The following CCNB1 variants were observed in gnomAD, a reference collection of about 807,000 sequenced individuals.
The protein encoded by CCNB1 is G2/mitotic-specific cyclin-B1.
CCNB1 carries 26 observed loss-of-function variants against 44.4 expected under a neutral mutation model. The ratio of observed to expected loss-of-function variants is 0.59; its 90% CI spans 0.43 to 0.81. CCNB1 has a LOEUF of 0.81. Among genes scored for constraint, CCNB1 ranks in the 40% least tolerant of loss-of-function variants. The pLI, the probability that CCNB1 is intolerant of heterozygous loss-of-function variation, is 0.00. For missense variants in CCNB1, 477 were observed against 520.9 expected (o/e 0.92, Z 0.82); for synonymous variants, 195 against 181.4 (o/e 1.08, Z -0.60).
intron 7 of CCNB1, among the ~76,000 whole-genome samples, chr5:69,176,431 A>G (rs1747592030): frequency 6.6e-6 from 1 of 151,592 alleles, no homozygotes; most frequent in Non-Finnish European, 1.5e-5. Context: ...ATCTCGGCTC[A>G]CTGCAACCTC....
Position 69,177,805 on chromosome 5 carries a change from C to G in CCNB1, c.*174C>G. Reference sequence around the variant, plus strand: ...TACTGTAGGGTAGCGGAAAAGTTGTCTTAAAAGGTATGGTGGGGATATTTT... The same window carrying G: ...TACTGTAGGGTAGCGGAAAAGTTGTGTTAAAAGGTATGGTGGGGATATTTT... On this transcript the variant is annotated 3_prime_UTR_variant, in exon 9 of 9. Coordinates refer to ENST00000256442, the MANE Select transcript of CCNB1 (RefSeq NM_031966.4). 1.9e-6 allele frequency: 1 copy of G among 535,366 alleles called. No homozygotes were observed. The highest frequency in any genetic ancestry group is 3.3e-6 in the Non-Finnish European group (1 of 300,514). 33.2% of individuals were successfully genotyped at this position (535,366 alleles called of 1,614,324 possible).
In CCNB1 at chr5:69,177,321, T is replaced by C. The variant is rs1747617860; in HGVS notation, c.1166T>C (p.Met389Thr). The C allele has an allele frequency of 1.9e-6, 3 of 1,611,504 alleles. No homozygotes were observed. The highest frequency in any genetic ancestry group is 1.7e-5 in the Admixed American group (1 of 59,994). ...VMQHLAKNVV[M>T]VNQGLTKHMT... The stretch of plus-strand genomic sequence containing the variant: ...CAGCACCTGGCTAAGAATGTAGTCA[T>C]GGTAAATCAAGGACTTACAAAGCAC... The change falls in exon 8 of 9, where the codon ATG becomes ACG. Residue 389 changes from methionine to threonine, a missense_variant. Met to Thr is a moderately conservative substitution (Grantham distance 81). Transcript: ENST00000256442.
At position 69,175,445 on chromosome 5, in the gene CCNB1, A is replaced by G. The variant is rs767165692; in HGVS notation, c.991A>G (p.Met331Val). Reference protein sequence around the residue: ...TLAKYLMELTMLDYDMVHFPP... With the variant: ...TLAKYLMELTVLDYDMVHFPP... The stretch of plus-strand genomic sequence containing the variant: ...GGCCAAATACCTGATGGAACTAACT[A>G]TGTTGGACTATGACATGGTGCACTT... Residue 331 changes from methionine (M) to valine (V), a missense_variant, in exon 7 of 9, where the codon ATG (methionine) becomes GTG (valine). Physicochemically the swap from Met to Val is conservative, Grantham distance 21 (BLOSUM62 1). Coordinates refer to ENST00000256442, the MANE Select transcript of CCNB1 (RefSeq NM_031966.4). 3 of 1,614,036 alleles carry G rather than the reference A, an allele frequency of 1.9e-6. No homozygotes were observed. The highest frequency in any genetic ancestry group is 1.1e-5 in the South Asian group (1 of 91,088).
Position 69,168,289 on chromosome 5 carries a change from T to A in CCNB1, c.309T>A (p.Pro103=). 26 of 1,613,240 alleles carry A rather than the reference T, an allele frequency of 1.6e-5. No homozygotes were observed. Among genetic ancestry groups the A allele is most frequent in the Non-Finnish European group, 2.2e-5 (26 of 1,179,636 alleles). The change falls in exon 3 of 9, where the codon CCT becomes CCA. Residue 103 remains proline (P), a synonymous_variant. Transcript: ENST00000256442. ...CTGAGCCAGTGCCAGAGCCAGAACCTGAGCCAGAACCTGAGCCTGTTAAAG... is the reference window on the plus strand; with the variant it reads ...CTGAGCCAGTGCCAGAGCCAGAACCAGAGCCAGAACCTGAGCCTGTTAAAG... ...PVSEPVPEPE[P]EPEPEPVKEE...
chr5:69,173,748 T>C (rs1204284523), intron 4 of CCNB1, among the ~76,000 whole-genome samples: 2 of 152,156 alleles, frequency 1.3e-5, no homozygotes, highest in Non-Finnish European at 2.9e-5. Context: ...CATACTGTCC[T>C]ATCTAATGTT....
intron 4 of CCNB1, among the ~76,000 whole-genome samples, chr5:69,171,720 T>A (rs1227161910): frequency 6.6e-6 from 1 of 152,148 alleles, no homozygotes; most frequent in Non-Finnish European, 1.5e-5. Flanking sequence ...ATTTGATATG[T>A]ATATATGCGA....
intron 7 of CCNB1, among the ~76,000 whole-genome samples, chr5:69,176,648 G>A (rs1747600925): frequency 6.6e-6 from 1 of 151,484 alleles, no homozygotes; most frequent in African/African-American, 2.4e-5. Context: ...GGGATTACAG[G>A]CGTGAGCCAT....
intron 3 of CCNB1, 43 bp downstream of exon 3, chr5:69,168,386 T>A (rs1747387762): frequency 6.2e-7 from 1 of 1,608,580 alleles, no homozygotes. Flanking sequence ...GATTATTTCT[T>A]GTCCCTTATT....
At chr5:69,175,982 AATATATATATATATATATATAT>A (rs68140968) in intron 7 of CCNB1, among the ~76,000 whole-genome samples, 4 of 116,408 alleles carry the variant, frequency 3.4e-5, no homozygotes, top group East Asian at 3.1e-4. Flanking sequence ...AAATATATAA[AATATATATATATATATATATAT>A]ATATATATAT....
intron 2 of CCNB1, 44 bp from the exon 3 acceptor site, chr5:69,168,129 G>A: frequency 6.2e-7 from 1 of 1,611,044 alleles, no homozygotes; most frequent in Non-Finnish European, 8.5e-7. Flanking sequence ...TCCAACTGTG[G>A]CCTTTGATGC....
At chr5:69,173,970 T>C (rs1280635962) in intron 4 of CCNB1, among the ~76,000 whole-genome samples, 1 of 152,228 alleles carries the variant, frequency 6.6e-6, no homozygotes, top group Non-Finnish European at 1.5e-5. Context: ...GGTTTTGCCA[T>C]GTTGGCCAGG....
At position 69,177,960 on chromosome 5, in the gene CCNB1, T is replaced by A. The variant is rs1747634641; in HGVS notation, c.*329T>A. 5.2e-6 allele frequency: 1 copy of A among 191,696 alleles called. No homozygotes were observed. The highest frequency in any genetic ancestry group is 1.1e-5 in the Non-Finnish European group (1 of 92,344). The allele number at this position is 191,696 out of a possible 1,614,324, so 11.9% of individuals were successfully genotyped here. On this transcript the variant is annotated 3_prime_UTR_variant, in exon 9 of 9. Transcript: ENST00000256442. ...GAAGGTGATGGAGGTATTTGAAAAT[T>A]TTACTTCCATAGGACATACTGCATG...
At chr5:69,167,488 GA>G in intron 1 of CCNB1, 1 of 584,688 alleles carries the variant, frequency 1.7e-6, no homozygotes, top group Non-Finnish European at 3.1e-6. Flanking sequence ...GGAGGAAGGT[GA>G]GAAAGAGAAC....
chr5:69,168,128 G>A, intron 2 of CCNB1, 45 bp from the exon 3 acceptor site: 2 of 1,610,828 alleles, frequency 1.2e-6, no homozygotes, highest in Non-Finnish European at 1.7e-6. Context: ...TTCCAACTGT[G>A]GCCTTTGATG....
At position 69,167,218 on chromosome 5, in the gene CCNB1, G is replaced by T. The variant is rs1251459374; in HGVS notation, c.-45G>T. ...GTCCTTGGCTGGTCGGGCCTCCGGT[G>T]TTCTGCTTCTCCCCGCTGAGCTGCT... On this transcript the variant is annotated 5_prime_UTR_variant, in exon 1 of 9. Transcript: ENST00000256442. 16 of 1,529,686 alleles carry T rather than the reference G, an allele frequency of 1.0e-5. No homozygotes were observed. Among genetic ancestry groups the T allele is most frequent in the Non-Finnish European group, 1.4e-5 (16 of 1,136,726 alleles). The allele number at this position is 1,529,686 out of a possible 1,614,324, so 94.8% of individuals were successfully genotyped here.
At chr5:69,176,179 C>G (rs1747585517) in intron 7 of CCNB1, among the ~76,000 whole-genome samples, 1 of 150,576 alleles carries the variant, frequency 6.6e-6, no homozygotes, top group Non-Finnish European at 1.5e-5. Flanking sequence ...TGAGCCATTG[C>G]AACCAGTCGA....
At chr5:69,176,014 T>TATATATATAC (rs1554057014) in intron 7 of CCNB1, among the ~76,000 whole-genome samples, 3 of 134,948 alleles carry the variant, frequency 2.2e-5, no homozygotes, top group African/African-American at 5.5e-5. Flanking sequence ...TATATATATA[T>TATATATATAC]ACAGGCACAC....
intron 3 of CCNB1, among the ~76,000 whole-genome samples, chr5:69,169,303 C>T (rs547982116): frequency 5.9e-5 from 9 of 152,262 alleles, no homozygotes; most frequent in African/African-American, 2.2e-4. Flanking sequence ...ATGATCCGCC[C>T]GCCTCGGCCT....
rs1189612526 is a variant in CCNB1 at position 69,171,461 on chromosome 5, TATC to T, written c.546+12_546+14del. 7.0e-6 allele frequency: 11 copies of T among 1,570,950 alleles called. No homozygotes were observed. The highest frequency in any genetic ancestry group is 2.0e-5 in the Admixed American group (1 of 51,016). ...ATCTGAGACAACTTGAGGTAAGTATTATCATTCGTTTTTTTTCTAAACTGCATC... is the reference window on the plus strand; with the variant it reads ...ATCTGAGACAACTTGAGGTAAGTATTATTCGTTTTTTTTCTAAACTGCATC... On this transcript the variant is annotated intron_variant, in intron 4 of 8. Transcript: ENST00000256442.
Sources: allele counts gnomAD v4.1 joint callset (sites outside exome capture counted in the v4.1 genomes callset), GRCh38; gene constraint gnomAD v4.1.1; transcripts MANE v1.5; gene names NCBI Gene and HGNC (gene_info 2026-07-23, HGNC 2026-07-21).